Variants in TGM4 observed in about 807,000 individuals in gnomAD.
The protein encoded by TGM4 is transglutaminase 4.
A neutral mutation model predicts 76.3 loss-of-function variants in TGM4; 61 were observed. The observed-to-expected ratio is 0.80, with a 90% CI of 0.65 to 0.99. The LOEUF (loss-of-function observed/expected upper bound fraction) is 0.99. TGM4 is among the 50% of genes least tolerant of loss of function. The pLI, the probability that TGM4 is intolerant of heterozygous loss-of-function variation, is 0.00. For synonymous variants in TGM4, 337 were observed against 329.8 expected (o/e 1.02, Z -0.24); for missense variants, 794 against 843.2 (o/e 0.94, Z 0.72).
intron 3 of TGM4, chr3:44,888,754 C>G (rs1447546764): frequency 6.6e-6 from 1 of 152,068 alleles, no homozygotes; most frequent in African/African-American, 2.4e-5. Flanking sequence ...GTGGGACCAC[C>G]AGCCAGATCA....
intron 6 of TGM4, 72 bp downstream of exon 6, chr3:44,896,888 A>T (rs752608351): frequency 4.7e-5 from 62 of 1,310,276 alleles, no homozygotes; most frequent in Non-Finnish European, 6.7e-5. Context: ...GTTTTTCCTC[A>T]TCTAAACTGT....
chr3:44,891,199 G>A (rs188380301), intron 4 of TGM4, among the ~76,000 whole-genome samples: 7 of 152,214 alleles, frequency 4.6e-5, no homozygotes, highest in African/African-American at 1.7e-4. Flanking sequence ...GGCTACTTCT[G>A]CCATTACCAG....
intron 1 of TGM4, among the ~76,000 whole-genome samples, chr3:44,881,911 G>A (rs79173655): frequency 0.02 from 2,987 of 152,102 alleles, 50 homozygotes; most frequent in Middle Eastern, 0.065. Context: ...TTGGTGGCAA[G>A]AAACAAGGAC....
chr3:44,885,802 G>T (rs1405331665), intron 2 of TGM4, among the ~76,000 whole-genome samples: 3 of 152,162 alleles, frequency 2.0e-5, no homozygotes. Flanking sequence ...TTGTAGAGAT[G>T]AATCATAGGA....
At chr3:44,884,400 G>A (rs1016336800) in intron 1 of TGM4, among the ~76,000 whole-genome samples, 1 of 152,174 alleles carries the variant, frequency 6.6e-6, no homozygotes, top group African/African-American at 2.4e-5. Flanking sequence ...AGAAATACAT[G>A]TGCTACAGAA....
chr3:44,900,089 C>T (rs1195273373), intron 6 of TGM4, among the ~76,000 whole-genome samples: 1 of 152,158 alleles, frequency 6.6e-6, no homozygotes, highest in African/African-American at 2.4e-5. Context: ...GATAGAGCCT[C>T]GTGCATCAGG....
At position 44,885,489 on chromosome 3, in the gene TGM4, T is replaced by A. The variant is rs1198851535; in HGVS notation, c.184T>A (p.Phe62Ile). The change falls in exon 2 of 14, where the codon TTC (phenylalanine) becomes ATC (isoleucine). Residue 62 changes from phenylalanine to isoleucine, a missense_variant. Phe to Ile is a conservative substitution (Grantham distance 21). Transcript: ENST00000296125. The stretch of plus-strand genomic sequence containing the variant: ...ATCCTACCACCAACTGAAACTGGAA[T>A]TCAGCACAGGTGAAGCCTCGGGGCC... ...LQSYHQLKLE[F>I]STGPNPSIAK... is the part of the protein sequence containing the mutation. 3 of 1,611,304 alleles carry A rather than the reference T, an allele frequency of 1.9e-6. No individual in the cohort carries two copies.
At chr3:44,905,572 C>G (rs1328236664) in intron 9 of TGM4, among the ~76,000 whole-genome samples, 1 of 152,156 alleles carries the variant, frequency 6.6e-6, no homozygotes, top group Admixed American at 6.5e-5. Context: ...AAGATGGGGA[C>G]CTAGAGACAT....
At chr3:44,875,580 C>T (rs765009898) in intron 1 of TGM4, among the ~76,000 whole-genome samples, 2 of 151,942 alleles carry the variant, frequency 1.3e-5, no homozygotes, top group Admixed American at 6.6e-5. Flanking sequence ...TCAGGGAGTC[C>T]GGGTGCTGCT....
At chr3:44,886,578 C>T (rs1699611197) in intron 2 of TGM4, among the ~76,000 whole-genome samples, 1 of 152,222 alleles carries the variant, frequency 6.6e-6, no homozygotes, top group Non-Finnish European at 1.5e-5. Flanking sequence ...CGTGCTGTTG[C>T]TGACTTCAGT....
chr3:44,889,562 A>G (rs1192112960), intron 3 of TGM4, among the ~76,000 whole-genome samples: 1 of 152,222 alleles, frequency 6.6e-6, no homozygotes, highest in African/African-American at 2.4e-5. Flanking sequence ...TATTGCTCCT[A>G]TGAGTTATAA....
chr3:44,880,099 C>A (rs1049134384), intron 1 of TGM4, among the ~76,000 whole-genome samples: 1 of 152,198 alleles, frequency 6.6e-6, no homozygotes, highest in South Asian at 2.1e-4. Context: ...GTGCCTGGTC[C>A]ATAGTCTATA....
In TGM4 at chr3:44,911,275, T is replaced by C. The variant is rs769977816; in HGVS notation, c.1782T>C (p.Pro594=). The C allele has an allele frequency of 6.2e-7, 1 of 1,614,210 alleles. No individual in the cohort carries two copies. Among genetic ancestry groups the C allele is most frequent in the Non-Finnish European group, 8.5e-7 (1 of 1,180,026 alleles). ...TCCTCCCCACCCTACTACAGTTGCC[T>C]AACACAGGCAGAATTGGCCAGCTAC... ...FQYPEFSIEL[P]NTGRIGQLLV... The change falls in exon 13 of 14, where the codon CCT becomes CCC. Residue 594 remains proline, a synonymous_variant. Transcript: ENST00000296125.
rs879041154 is a variant in TGM4, at chr3:44,910,864, C to A, written c.1607-94C>A. The A allele has an allele frequency of 4.4e-5, 61 of 1,399,138 alleles. No individual in the cohort carries two copies. In the South Asian group the frequency reaches 7.3e-4, roughly 17 times the overall value. 86.7% of individuals were successfully genotyped at this position (1,399,138 alleles called of 1,614,324 possible). A position where few individuals can be genotyped will look rare whatever the true frequency, so the allele number is the denominator to read the frequency against. On this transcript the variant is annotated intron_variant, in intron 11 of 13. Coordinates refer to ENST00000296125, the MANE Select transcript of TGM4 (RefSeq NM_003241.4). Reference sequence around the variant, plus strand: ...GTCCAAAGTTATCCAGTTCAATTCACACAAAGTTAATCTAATTCTGTGCTT... The same window carrying A: ...GTCCAAAGTTATCCAGTTCAATTCAAACAAAGTTAATCTAATTCTGTGCTT...
At chr3:44,887,966 G>A in intron 3 of TGM4, 171 bp downstream of exon 3, 2 of 634,894 alleles carry the variant, frequency 3.2e-6, no homozygotes, top group Non-Finnish European at 5.6e-6. Context: ...TCCCCACTCA[G>A]CCTCCTCCAA....
In TGM4 at chr3:44,878,449, T is replaced by TTTTTTA. The variant is rs758610230; in HGVS notation, c.19+3754_19+3755insTTTATT. On this transcript the variant is annotated intron_variant, in intron 1 of 13. Transcript: ENST00000296125. ...TGTAATGGGCATTTATTACTTTTGT[T>TTTTTTA]TTATTATTATTATTATTATTATTAT... 5.2e-3 allele frequency among the ~76,000 whole-genome samples: 396 copies of TTTTTTA among 75,470 alleles called. 2 individuals are homozygous for TTTTTTA. The highest frequency in any genetic ancestry group is 0.018 in the Middle Eastern group (3 of 166). 49.5% of individuals were successfully genotyped at this position (75,470 alleles called of 152,430 possible).
At chr3:44,887,878 C>A in intron 3 of TGM4, 83 bp downstream of exon 3, 3 of 1,205,654 alleles carry the variant, frequency 2.5e-6, no homozygotes, top group East Asian at 2.4e-5. Context: ...TCCCCTTCCT[C>A]ACCTGTCAGC....
intron 6 of TGM4, among the ~76,000 whole-genome samples, chr3:44,898,596 C>T (rs1459837638): frequency 6.6e-6 from 1 of 152,210 alleles, no homozygotes; most frequent in Non-Finnish European, 1.5e-5. Flanking sequence ...CTCTTGCCAT[C>T]TGTGGGTGGC....
intron 6 of TGM4, among the ~76,000 whole-genome samples, chr3:44,900,384 C>T (rs1391984362): frequency 6.6e-6 from 1 of 152,200 alleles, no homozygotes; most frequent in Non-Finnish European, 1.5e-5. Context: ...CCTCTGCTCT[C>T]TCTCTGATTT....
Sources: gnomAD v4.1 joint callset for allele counts (sites outside exome capture counted in the v4.1 genomes callset) on GRCh38, gnomAD v4.1.1 for gene constraint, MANE v1.5 for transcripts, NCBI Gene and HGNC (gene_info 2026-07-23, HGNC 2026-07-21) for gene names.